COL27A1: variants seen among roughly 807,000 people sequenced by gnomAD.
The protein encoded by COL27A1 is collagen type XXVII alpha 1 chain.
COL27A1 carries 106 observed loss-of-function variants against 251.3 expected under a neutral mutation model. The ratio of observed to expected loss-of-function variants is 0.42; its 90% CI spans 0.36 to 0.50. COL27A1 has a LOEUF of 0.50. Among genes scored for constraint, COL27A1 ranks in the 20% least tolerant of loss-of-function variants. The probability of loss-of-function intolerance (pLI) is 0.00; values close to 1 mark genes in which losing one functional copy is unlikely to be tolerated. For synonymous variants in COL27A1, 1,000 were observed against 986.3 expected, an observed-to-expected ratio of 1.01 and a Z score of -0.26; for missense variants, 2,325 against 2,522.8, an observed-to-expected ratio of 0.92 and a Z score of 1.68.
chr9:114,167,812 C>G lies in COL27A1; in HGVS notation c.257C>G (p.Thr86Arg). The G allele has an allele frequency of 6.2e-7, 1 of 1,613,428 alleles. No individual in the cohort carries two copies. The highest frequency in any genetic ancestry group is 8.5e-7 in the Non-Finnish European group (1 of 1,179,962). ...CAGCGGGCCCGGCTCCAGGCTCCCA[C>G]GGGCACCGTCATTCCTGCCGCCTTG... is the stretch of plus-strand genomic sequence containing the variant. Reference protein sequence around the residue: ...FTQRARLQAPTGTVIPAALGT... With the variant: ...FTQRARLQAPRGTVIPAALGT... Residue 86 changes from threonine (T) to arginine (R), a missense_variant, in exon 3 of 61, where the codon ACG becomes AGG. This residue lies in a region of COL27A1 where 1,183 missense variants were observed against 1,144.1 expected (regional missense o/e 1.03). Coordinates refer to ENST00000356083, the MANE Select transcript of COL27A1 (RefSeq NM_032888.4).
At chr9:114,288,620 C>A in intron 42 of COL27A1, 82 bp from the exon 43 acceptor site, 1 of 1,558,240 alleles carries the variant, frequency 6.4e-7, no homozygotes, top group Non-Finnish European at 8.7e-7. Context: ...GAGAGCTCCG[C>A]AGAGGTCGCG....
intron 7 of COL27A1, among the ~76,000 whole-genome samples, chr9:114,199,824 C>T (rs1370914381): frequency 6.6e-6 from 1 of 152,222 alleles, no homozygotes; most frequent in African/African-American, 2.4e-5. Context: ...CTCCCTCGCT[C>T]CTCACCTCTG....
intron 16 of COL27A1, among the ~76,000 whole-genome samples, chr9:114,232,961 C>T (rs986571546): frequency 3.3e-5 from 5 of 152,202 alleles, no homozygotes; most frequent in Non-Finnish European, 7.3e-5. Flanking sequence ...ATCCCAGCTA[C>T]TTGGGAGGCT....
At chr9:114,211,159 G>A (rs2135337648) in intron 12 of COL27A1, 133 bp downstream of exon 12, 1 of 945,948 alleles carries the variant, frequency 1.1e-6, no homozygotes. Context: ...CCGCATGTGG[G>A]GTTGTCTGGC....
intron 24 of COL27A1, among the ~76,000 whole-genome samples, chr9:114,248,945 C>T (rs1208418305): frequency 1.3e-5 from 2 of 152,218 alleles, no homozygotes; most frequent in Non-Finnish European, 2.9e-5. Flanking sequence ...CTGTCTTACC[C>T]CTGTGCCCTT....
At chr9:114,215,299 G>C (rs1439944166) in intron 12 of COL27A1, among the ~76,000 whole-genome samples, 2 of 152,238 alleles carry the variant, frequency 1.3e-5, no homozygotes, top group Non-Finnish European at 2.9e-5. Context: ...AAGCAGCCAA[G>C]TAACAGAGAA....
At chr9:114,282,079 C>T (rs1176598199) in intron 37 of COL27A1, among the ~76,000 whole-genome samples, 198 bp from the exon 38 acceptor site, 1 of 152,220 alleles carries the variant, frequency 6.6e-6, no homozygotes, top group East Asian at 1.9e-4. Context: ...TTCTGTGACA[C>T]TGTCCCCACT....
chr9:114,222,966 T>C (rs1380701737), intron 14 of COL27A1, among the ~76,000 whole-genome samples: 1 of 152,218 alleles, frequency 6.6e-6, no homozygotes, highest in East Asian at 1.9e-4. Flanking sequence ...ATAATAATTC[T>C]TGTTATTACC....
intron 5 of COL27A1, among the ~76,000 whole-genome samples, chr9:114,186,005 G>A (rs775723953): frequency 6.6e-6 from 1 of 152,258 alleles, no homozygotes; most frequent in Non-Finnish European, 1.5e-5. Flanking sequence ...AAGAGTGAAA[G>A]TTCAGGAGGC....
Position 114,207,204 on chromosome 9 carries a change from T to C in COL27A1, c.2268+908T>C, listed in dbSNP as rs1830028225. 2.0e-5 allele frequency among the ~76,000 whole-genome samples: 3 copies of C among 152,142 alleles called. No individual in the cohort carries two copies. In the South Asian group the frequency reaches 6.2e-4, roughly 32 times the overall value. On this transcript the variant is annotated intron_variant, in intron 10 of 60. Coordinates refer to ENST00000356083, the MANE Select transcript of COL27A1 (RefSeq NM_032888.4). Reference sequence around the variant, plus strand: ...ATCCTTTGCTCCTGAGCCAAAGCTATTTATATTTTGGCAGGAGGGAGAGGA... The same window carrying C: ...ATCCTTTGCTCCTGAGCCAAAGCTACTTATATTTTGGCAGGAGGGAGAGGA...
intron 16 of COL27A1, 110 bp from the exon 17 acceptor site, chr9:114,235,489 G>A (rs911877986): frequency 1.2e-5 from 10 of 857,966 alleles, no homozygotes; most frequent in South Asian, 6.7e-5. Flanking sequence ...GGCCGGATCC[G>A]ACTTGGGAAA....
chr9:114,258,465 C>A, intron 27 of COL27A1, 76 bp from the exon 28 acceptor site: 2 of 1,447,330 alleles, frequency 1.4e-6, no homozygotes, highest in Non-Finnish European at 1.9e-6. Context: ...TCAAGCTTTG[C>A]CCCACACTCC....
Position 114,157,346 on chromosome 9 carries a change from A to ACCTCTGCTCTCCAGCATG in COL27A1, c.62+1362_62+1379dup, listed in dbSNP as rs376821089. ...ATCATGTGCGCTCTGGCGCCAGCAT[A>ACCTCTGCTCTCCAGCATG]CCTCTGCTCTCCAGCATGCCTCTGC... On this transcript the variant is annotated intron_variant, in intron 1 of 60. Transcript: ENST00000356083. 4.4e-4 allele frequency among the ~76,000 whole-genome samples: 67 copies of ACCTCTGCTCTCCAGCATG among 152,216 alleles called. 1 individual carries two copies. The South Asian group carries it at 0.011, about 25-fold the overall frequency.
At chr9:114,194,058 C>A (rs950132472) in intron 5 of COL27A1, among the ~76,000 whole-genome samples, 1 of 152,006 alleles carries the variant, frequency 6.6e-6, no homozygotes. Flanking sequence ...ATGGCTGGGG[C>A]GTGGGCTGTG....
chr9:114,273,206 G>A (rs1405452843), intron 36 of COL27A1: 1 of 152,254 alleles, frequency 6.6e-6, no homozygotes, highest in Non-Finnish European at 1.5e-5. Flanking sequence ...GAGAACAGGT[G>A]GCCAGGACGA....
At chr9:114,170,677 T>C (rs1207047200) in intron 3 of COL27A1, among the ~76,000 whole-genome samples, 2 of 152,244 alleles carry the variant, frequency 1.3e-5, no homozygotes, top group African/African-American at 4.8e-5. Context: ...TTATGGAAAC[T>C]GTATGCATTG....
chr9:114,269,118 G>A (rs1834946790), intron 34 of COL27A1, 123 bp from the exon 35 acceptor site: 2 of 557,866 alleles, frequency 3.6e-6, no homozygotes, highest in Admixed American at 3.7e-5. Context: ...TCCCTGGGAA[G>A]AAGGACCTTC....
chr9:114,160,231 T>C (rs946232275), intron 1 of COL27A1, among the ~76,000 whole-genome samples: 4 of 151,658 alleles, frequency 2.6e-5, no homozygotes, highest in Non-Finnish European at 5.9e-5. Flanking sequence ...CTTGGCTCAC[T>C]GCAAGCTCCG....
Position 114,306,635 on chromosome 9 carries a change from A to T in COL27A1, c.5054A>T (p.Asn1685Ile). 6.2e-7 allele frequency: 1 copy of T among 1,613,938 alleles called. No individual in the cohort carries two copies. The highest frequency in any genetic ancestry group is 8.5e-7 in the Non-Finnish European group (1 of 1,179,986). The change falls in exon 58 of 61, where the codon AAC (asparagine) becomes ATC (isoleucine). Residue 1685 changes from asparagine to isoleucine, a missense_variant. Transcript: ENST00000356083. ...SIKTPLGTKE[N>I]PARVCRDLMD... Reference sequence around the variant, plus strand: ...AAGACGCCCCTGGGCACCAAAGAGAACCCCGCCCGGGTCTGCAGGGACCTC... The same window carrying T: ...AAGACGCCCCTGGGCACCAAAGAGATCCCCGCCCGGGTCTGCAGGGACCTC...
Sources: gnomAD v4.1 joint callset for allele counts (sites outside exome capture counted in the v4.1 genomes callset) on GRCh38, gnomAD v4.1.1 for gene constraint, gnomAD v4.1.1 regional missense constraint, MANE v1.5 for transcripts, NCBI Gene and HGNC (gene_info 2026-07-23, HGNC 2026-07-21) for gene names.